VDAC1: variants seen among roughly 807,000 people sequenced by gnomAD.
The protein encoded by VDAC1 is voltage dependent anion channel 1.
VDAC1 carries 10 observed loss-of-function variants against 34.7 expected under a neutral mutation model. The observed-to-expected ratio is 0.29, with a 90% CI of 0.18 to 0.49. The LOEUF (loss-of-function observed/expected upper bound fraction) is 0.49, where lower values mean the gene tolerates loss of function less well. VDAC1 is among the 20% of genes least tolerant of loss of function. VDAC1 has a pLI of 0.99. For synonymous variants in VDAC1, 130 were observed against 136.0 expected, an observed-to-expected ratio of 0.96 and a Z score of 0.30; for missense variants, 230 against 347.9, an observed-to-expected ratio of 0.66 and a Z score of 2.69.
chr5:134,025,486 G>T, the VDAC1 span, among the ~76,000 whole-genome samples: 12 of 152,170 alleles, frequency 7.9e-5, no homozygotes, highest in Non-Finnish European at 1.6e-4. Context: ...ATTGAGGTGA[G>T]GGCAGCAGTA....
chr5:134,003,564 T>C (rs1300507679), intron 1 of VDAC1, among the ~76,000 whole-genome samples: 1 of 152,134 alleles, frequency 6.6e-6, no homozygotes. Context: ...TCAATAATAG[T>C]GAAAGAATGT....
chr5:134,065,800 T>C, the VDAC1 span, among the ~76,000 whole-genome samples: 1 of 148,604 alleles, frequency 6.7e-6, no homozygotes, highest in Non-Finnish European at 1.5e-5. Flanking sequence ...TTTTTTTTTT[T>C]TTTTTTTTTT....
At chr5:134,046,910 A>G in the VDAC1 span, among the ~76,000 whole-genome samples, 1 of 152,198 alleles carries the variant, frequency 6.6e-6, no homozygotes, top group African/African-American at 2.4e-5. Flanking sequence ...AGGAGCCATT[A>G]TGTGGCCTGT....
chr5:134,047,278 T>C, the VDAC1 span, among the ~76,000 whole-genome samples: 1 of 151,754 alleles, frequency 6.6e-6, no homozygotes, highest in Admixed American at 6.6e-5. Context: ...AAAGGTTGGG[T>C]GTCAAGTGAT....
chr5:134,045,876 G>T, the VDAC1 span, among the ~76,000 whole-genome samples: 9 of 151,494 alleles, frequency 5.9e-5, no homozygotes, highest in Admixed American at 1.3e-4. Flanking sequence ...GTAGAGGCAG[G>T]GTTTCTCCGT....
At chr5:134,063,339 A>T in the VDAC1 span, among the ~76,000 whole-genome samples, 1 of 152,162 alleles carries the variant, frequency 6.6e-6, no homozygotes, top group Non-Finnish European at 1.5e-5. Flanking sequence ...GTTGATTTAT[A>T]TGTTTACTTA....
At chr5:134,026,516 G>C in the VDAC1 span, among the ~76,000 whole-genome samples, 1 of 72,326 alleles carries the variant, frequency 1.4e-5, no homozygotes, top group East Asian at 4.9e-4. Flanking sequence ...CTCCGTCTCA[G>C]AAAAAAAAAA....
At chr5:134,113,263 C>T in the VDAC1 span, among the ~76,000 whole-genome samples, 1 of 152,184 alleles carries the variant, frequency 6.6e-6, no homozygotes, top group African/African-American at 2.4e-5. Flanking sequence ...ACCCCCCAGC[C>T]CCAGCCTGGG....
chr5:134,101,796 T>C, the VDAC1 span, among the ~76,000 whole-genome samples: 1 of 152,200 alleles, frequency 6.6e-6, no homozygotes, highest in Non-Finnish European at 1.5e-5. Context: ...GTCACAGCTG[T>C]CACCAACACT....
At chr5:133,996,424 G>A (rs1753310726) in intron 1 of VDAC1, among the ~76,000 whole-genome samples, 2 of 152,170 alleles carry the variant, frequency 1.3e-5, no homozygotes, top group African/African-American at 2.4e-5. Flanking sequence ...TGGAAGCACA[G>A]AGGGGAAGGA....
the VDAC1 span, among the ~76,000 whole-genome samples, chr5:134,061,983 G>A: frequency 6.6e-6 from 1 of 151,346 alleles, no homozygotes; most frequent in Non-Finnish European, 1.5e-5. Context: ...GGTTTTTTTG[G>A]TTTTGTTTTT....
chr5:134,109,262 T>A, the VDAC1 span, among the ~76,000 whole-genome samples: 1 of 152,184 alleles, frequency 6.6e-6, no homozygotes, highest in Non-Finnish European at 1.5e-5. Flanking sequence ...ATTGAATAGT[T>A]CTTTCTCAAT....
At chr5:134,095,484 GTAAATAAATAAA>G in the VDAC1 span, among the ~76,000 whole-genome samples, 1,346 of 142,650 alleles carry the variant, frequency 9.4e-3, 24 homozygotes, top group African/African-American at 0.033. Flanking sequence ...CTCTGTCTCA[GTAAATAAATAAA>G]TAAATAAATA....
chr5:134,106,239 A>G, the VDAC1 span, among the ~76,000 whole-genome samples: 3 of 152,194 alleles, frequency 2.0e-5, no homozygotes, highest in Non-Finnish European at 4.4e-5. Context: ...TGTGGTGAAG[A>G]CCAAACAAGG....
chr5:133,977,859 G>T (rs887182672), intron 6 of VDAC1, among the ~76,000 whole-genome samples: 1 of 152,148 alleles, frequency 6.6e-6, no homozygotes, highest in African/African-American at 2.4e-5. Flanking sequence ...ACAACCATGG[G>T]TTCAGACTCC....
the VDAC1 span, among the ~76,000 whole-genome samples, chr5:134,069,899 C>T: frequency 1.3e-5 from 2 of 152,184 alleles, no homozygotes; most frequent in South Asian, 4.2e-4. Context: ...TGGCCAAAAC[C>T]CACCACAACC....
Position 133,975,464 on chromosome 5 carries a change from C to CT in VDAC1, c.702+406dup, listed in dbSNP as rs879616685. On this transcript the variant is annotated intron_variant, in intron 7 of 8. Transcript: ENST00000265333. ...TGTTTTTGTTTTTTTGAGACGGAGT[C>CT]TTTTTTTTTTTTTTGAGATAGAATC... Among the ~76,000 whole-genome samples, 799 of 139,760 alleles carry CT rather than the reference C, an allele frequency of 5.7e-3. 3 individuals carry two copies. Among genetic ancestry groups the CT allele is most frequent in the Middle Eastern group, 0.021 (6 of 280 alleles). The allele number at this position is 139,760 out of a possible 152,430, so 91.7% of individuals were successfully genotyped here. A position where few individuals can be genotyped will look rare whatever the true frequency, so the allele number is the denominator to read the frequency against.
the VDAC1 span, among the ~76,000 whole-genome samples, chr5:134,109,279 T>A: frequency 1.3e-5 from 2 of 152,194 alleles, no homozygotes; most frequent in Non-Finnish European, 2.9e-5. Flanking sequence ...CAATAAGACA[T>A]TCCTCTCTCA....
chr5:134,026,243 C>T, the VDAC1 span, among the ~76,000 whole-genome samples: 1 of 152,168 alleles, frequency 6.6e-6, no homozygotes, highest in Non-Finnish European at 1.5e-5. Flanking sequence ...TGTGGTGGCT[C>T]ACGCCTGTAA....
Sources: allele counts gnomAD v4.1 joint callset (sites outside exome capture counted in the v4.1 genomes callset), GRCh38; gene constraint gnomAD v4.1.1; transcripts MANE v1.5; gene names NCBI Gene and HGNC (gene_info 2026-07-23, HGNC 2026-07-21).